ACSF2: variants seen among roughly 807,000 people sequenced by gnomAD.
The protein encoded by ACSF2 is medium-chain acyl-CoA ligase ACSF2, mitochondrial.
A neutral mutation model predicts 79.3 loss-of-function variants in ACSF2; 52 were observed. The observed-to-expected ratio is 0.66, with a 90% CI of 0.53 to 0.83. The LOEUF (loss-of-function observed/expected upper bound fraction) is 0.83. Ranked by LOEUF, ACSF2 falls within the 40% of genes least tolerant of loss-of-function variation. ACSF2 has a pLI of 0.00. For synonymous variants in ACSF2, 283 were observed against 312.6 expected (o/e 0.91, Z 1.00); for missense variants, 661 against 803.3 (o/e 0.82, Z 2.14).
Position 50,463,351 on chromosome 17 carries a change from C to A in ACSF2, c.889-44C>A. 1 of 1,610,464 alleles carries A rather than the reference C, an allele frequency of 6.2e-7. No individual in the cohort carries two copies. The highest frequency in any genetic ancestry group is 8.5e-7 in the Non-Finnish European group (1 of 1,177,962). On this transcript the variant is annotated intron_variant, in intron 7 of 15. Coordinates refer to ENST00000300441, the MANE Select transcript of ACSF2 (RefSeq NM_025149.6). The surrounding 1 kb of genome is among the most constrained non-coding windows in gnomAD (Gnocchi z 4.6). ...CCCTTGCCAGCTAGAGAGGAACTGG[C>A]GTCTGGCTCCAAGACAGACCCAGCC...
chr17:50,464,763 T>C (rs2032570839), intron 10 of ACSF2: 3 of 204,770 alleles, frequency 1.5e-5, no homozygotes, highest in South Asian at 6.9e-5. Context: ...GTGGTTCTGA[T>C]TGACTTGGGG....
Position 50,462,298 on chromosome 17 carries a change from C to T in ACSF2, c.622C>T (p.Gln208Ter). The change falls in exon 5 of 16, where the codon CAG (glutamine) becomes TAG (stop). Residue 208 changes from glutamine to a stop codon, truncating the protein, a stop_gained. Transcript: ENST00000300441. LOFTEE classifies it high-confidence loss of function. ...TGCCCAGCCAGGGGCCTTGAAGAGTCAGAGGTGGGTGTGTCCCAGGTTAGT... is the reference window on the plus strand; with the variant it reads ...TGCCCAGCCAGGGGCCTTGAAGAGTTAGAGGTGGGTGTGTCCCAGGTTAGT... ...ENAQPGALKS[Q>*]RLPDLTTVIS... The T allele has an allele frequency of 6.2e-7, 1 of 1,613,936 alleles. No individual in the cohort carries two copies. The highest frequency in any genetic ancestry group is 8.5e-7 in the Non-Finnish European group (1 of 1,179,960).
At chr17:50,440,421 C>G (rs2030807494) in intron 1 of ACSF2, among the ~76,000 whole-genome samples, 1 of 152,204 alleles carries the variant, frequency 6.6e-6, no homozygotes, top group East Asian at 1.9e-4. Context: ...GGCCCAGGTT[C>G]CAAGAACCTC....
chr17:50,460,549 T>C, intron 1 of ACSF2, 128 bp from the exon 2 acceptor site: 1 of 803,504 alleles, frequency 1.2e-6, no homozygotes, highest in Non-Finnish European at 1.9e-6. Flanking sequence ...CAAGAAGATC[T>C]GGAGGAAACC....
chr17:50,434,778 C>T (rs1285587633), intron 1 of ACSF2, among the ~76,000 whole-genome samples: 1 of 151,790 alleles, frequency 6.6e-6, no homozygotes, highest in East Asian at 1.9e-4. Flanking sequence ...TTTCAGAGGT[C>T]ACATACTCCT....
intron 1 of ACSF2, among the ~76,000 whole-genome samples, chr17:50,436,211 C>T (rs1040051709): frequency 1.3e-5 from 2 of 151,858 alleles, no homozygotes; most frequent in South Asian, 2.1e-4. Flanking sequence ...CTCACTGCAA[C>T]CTCCGCCTAC....
At chr17:50,468,211 G>A (rs1430517732) in intron 10 of ACSF2, 1 of 1,613,208 alleles carries the variant, frequency 6.2e-7, no homozygotes, top group East Asian at 2.2e-5. Context: ...TCCTGTCCAC[G>A]TGGAATTTGG....
rs150025526 is a variant in ACSF2, at chr17:50,461,467, CTTG to C, written c.453+101_453+103del. 2.2e-3 allele frequency: 3,531 copies of C among 1,594,670 alleles called. 73 individuals carry two copies. The African/African-American group carries it at 0.04, about 18-fold the overall frequency. On this transcript the variant is annotated intron_variant, in intron 3 of 15. Coordinates refer to ENST00000300441, the MANE Select transcript of ACSF2 (RefSeq NM_025149.6). ...CTCAGCCCCAGGATCAAACCAGTGC[CTTG>C]TTGGTTTCAAACCAGGTAGTGCTTT...
At chr17:50,447,192 C>G (rs988769783) in intron 1 of ACSF2, among the ~76,000 whole-genome samples, 4 of 152,120 alleles carry the variant, frequency 2.6e-5, no homozygotes, top group African/African-American at 9.7e-5. Context: ...TTTTCTGTCT[C>G]TATAGAATTA....
chr17:50,449,787 T>C (rs1308259962), intron 1 of ACSF2, among the ~76,000 whole-genome samples: 1 of 152,166 alleles, frequency 6.6e-6, no homozygotes, highest in African/African-American at 2.4e-5. Context: ...TCTTAACTAT[T>C]GAAGTTTGCA....
intron 1 of ACSF2, among the ~76,000 whole-genome samples, chr17:50,432,853 C>T (rs1258063423): frequency 1.3e-5 from 2 of 152,148 alleles, no homozygotes; most frequent in African/African-American, 2.4e-5. Flanking sequence ...ACAAGATGTG[C>T]TCTACCTTTG....
chr17:50,455,024 C>T (rs941577359), intron 1 of ACSF2, among the ~76,000 whole-genome samples: 14 of 152,254 alleles, frequency 9.2e-5, no homozygotes, highest in Middle Eastern at 3.4e-3. Flanking sequence ...ACCTGCCGTC[C>T]GGCTGGAGTG....
At chr17:50,427,827 T>C (rs1457518085) in intron 1 of ACSF2, among the ~76,000 whole-genome samples, 1 of 152,254 alleles carries the variant, frequency 6.6e-6, no homozygotes, top group Admixed American at 6.5e-5. Context: ...ACTTACCTGC[T>C]ACAGCCCTGG....
rs2033257669 is a variant in ACSF2, at chr17:50,474,466, C to T, written c.1798-36C>T. 1.2e-6 allele frequency: 2 copies of T among 1,609,080 alleles called. No homozygotes were observed. Among genetic ancestry groups the T allele is most frequent in the African/African-American group, 1.3e-5 (1 of 74,808 alleles). On this transcript the variant is annotated intron_variant, in intron 15 of 15. Coordinates refer to ENST00000300441, the MANE Select transcript of ACSF2 (RefSeq NM_025149.6). The surrounding 1 kb of genome is among the most constrained non-coding windows in gnomAD (Gnocchi z 4.2). The stretch of plus-strand genomic sequence containing the variant: ...CCCCTTATTCTTGGGTGAACCAAGA[C>T]AGCTGGTAACCCTAACTCCATTTTC...
intron 10 of ACSF2, chr17:50,468,998 C>G: frequency 2.2e-6 from 3 of 1,358,364 alleles, no homozygotes; most frequent in Non-Finnish European, 2.8e-6. Context: ...CCCAGAGATG[C>G]GCCCCCGCCC....
chr17:50,463,010 T>C lies in ACSF2; in HGVS notation c.793-146T>C, dbSNP rs2032444351. 3 of 699,584 alleles carry C rather than the reference T, an allele frequency of 4.3e-6. No homozygotes were observed. Among genetic ancestry groups the C allele is most frequent in the South Asian group, 1.8e-5 (1 of 57,106 alleles). 43.3% of individuals were successfully genotyped at this position (699,584 alleles called of 1,614,324 possible). On this transcript the variant is annotated intron_variant, in intron 6 of 15. Transcript: ENST00000300441. The surrounding 1 kb of genome is among the most constrained non-coding windows in gnomAD (Gnocchi z 4.6). ...TGGACCCTGACACCTGGTATCGTGG[T>C]AGACCTTTTGCAAATATACTGAACA...
In ACSF2 at chr17:50,474,164, G is replaced by A; in HGVS notation, c.1729-35G>A. ...ACCCATACCCCTGTGAGCTTGCGCA[G>A]CCTCACGCCTTACCTCCCTCCCTCT... On this transcript the variant is annotated intron_variant, in intron 14 of 15. Coordinates refer to ENST00000300441, the MANE Select transcript of ACSF2 (RefSeq NM_025149.6). The surrounding 1 kb of genome is among the most constrained non-coding windows in gnomAD (Gnocchi z 4.2). The A allele has an allele frequency of 6.2e-6, 10 of 1,613,408 alleles. No homozygotes were observed. Among genetic ancestry groups the A allele is most frequent in the Non-Finnish European group, 7.6e-6 (9 of 1,179,296 alleles).
At chr17:50,458,554 G>A (rs2032152405) in intron 1 of ACSF2, among the ~76,000 whole-genome samples, 2 of 152,152 alleles carry the variant, frequency 1.3e-5, no homozygotes, top group African/African-American at 4.8e-5. Context: ...CTAGGACCAC[G>A]GCCCCTTCCT....
chr17:50,465,622 G>C, intron 10 of ACSF2: 1 of 1,532,888 alleles, frequency 6.5e-7, no homozygotes, highest in South Asian at 1.1e-5. Flanking sequence ...GATCTAGGAT[G>C]CATGTCCAAC....
Sources: gnomAD v4.1 joint callset for allele counts (sites outside exome capture counted in the v4.1 genomes callset) on GRCh38, gnomAD v4.1.1 for gene constraint, Gnocchi (gnomAD v3.1) non-coding constraint, MANE v1.5 for transcripts, NCBI Gene and HGNC (gene_info 2026-07-23, HGNC 2026-07-21) for gene names.